ZMIZ1: variants seen among roughly 807,000 people sequenced by gnomAD.
ZMIZ1 encodes zinc finger MIZ domain-containing protein 1.
ZMIZ1 carries 17 observed loss-of-function variants against 113.9 expected under a neutral mutation model. The observed-to-expected ratio is 0.15, with a 90% CI of 0.10 to 0.22. The LOEUF (loss-of-function observed/expected upper bound fraction) is 0.22. Ranked by LOEUF, ZMIZ1 falls within the 10% of genes least tolerant of loss-of-function variation. The pLI is 1.00. For synonymous variants in ZMIZ1, 607 were observed against 603.1 expected, an observed-to-expected ratio of 1.01 and a Z score of -0.09; for missense variants, 1,059 against 1,477.8, an observed-to-expected ratio of 0.72 and a Z score of 4.65.
At chr10:79,149,674 C>T (rs1007452973) in intron 3 of ZMIZ1, among the ~76,000 whole-genome samples, 3 of 152,328 alleles carry the variant, frequency 2.0e-5, no homozygotes, top group East Asian at 3.9e-4. Context: ...TGTGGGGCTG[C>T]GTGGCCCCGT....
intron 7 of ZMIZ1, among the ~76,000 whole-genome samples, chr10:79,268,920 T>G: frequency 6.6e-6 from 1 of 152,082 alleles, no homozygotes; most frequent in East Asian, 1.9e-4. Flanking sequence ...AGAAGGTGAT[T>G]GGATTGGAGC....
chr10:79,155,389 G>A (rs919664131), intron 3 of ZMIZ1, among the ~76,000 whole-genome samples: 7 of 152,208 alleles, frequency 4.6e-5, no homozygotes, highest in African/African-American at 1.7e-4. Context: ...GACTGGGCCT[G>A]AGTCATTTGT....
chr10:79,148,822 C>T (rs1414958651), intron 3 of ZMIZ1, among the ~76,000 whole-genome samples: 1 of 152,150 alleles, frequency 6.6e-6, no homozygotes, highest in Non-Finnish European at 1.5e-5. Context: ...GTCTTCCACC[C>T]TGCTTGTCTT....
intron 1 of ZMIZ1, among the ~76,000 whole-genome samples, chr10:79,073,054 GA>G (rs1214155002): frequency 6.6e-6 from 1 of 152,220 alleles, no homozygotes; most frequent in Non-Finnish European, 1.5e-5. Context: ...AGGCTCTGGG[GA>G]GAGGCTAGAC....
In ZMIZ1 at chr10:79,216,072, T is replaced by TAA. The variant is rs1292648677; in HGVS notation, c.175-97_175-96insAA. 2.7e-4 allele frequency: 206 copies of TAA among 772,430 alleles called. No individual in the cohort carries two copies. In the African/African-American group the frequency reaches 3.6e-3, roughly 13 times the overall value. 47.8% of individuals were successfully genotyped at this position (772,430 alleles called of 1,614,324 possible). A position where few individuals can be genotyped will look rare whatever the true frequency, so the allele number is the denominator to read the frequency against. Reference sequence around the variant, plus strand: ...CTCTGCCTAATGATGGGGCACTGCCTTAGCTTGCCCACCTCACCCACTTCA... The same window carrying TAA: ...CTCTGCCTAATGATGGGGCACTGCCTAATAGCTTGCCCACCTCACCCACTTCA... On this transcript the variant is annotated intron_variant, in intron 6 of 24. Transcript: ENST00000334512.
intron 7 of ZMIZ1, among the ~76,000 whole-genome samples, chr10:79,251,538 A>G (rs1349522663): frequency 6.6e-6 from 1 of 151,988 alleles, no homozygotes; most frequent in African/African-American, 2.4e-5. Context: ...CACCCCATAC[A>G]TCTGTTGGGG....
Position 79,201,718 on chromosome 10 carries a change from G to A in ZMIZ1, c.60+26G>A, listed in dbSNP as rs199925404. The A allele has an allele frequency of 2.4e-5, 39 of 1,610,314 alleles. No homozygotes were observed. The South Asian group carries it at 2.5e-4, about 10-fold the overall frequency. The stretch of plus-strand genomic sequence containing the variant: ...GTGGGTGTGGGGCAAGGCACACTCC[G>A]AGGGCGGGGCAGATGGGGCGGGCTG... On this transcript the variant is annotated intron_variant, in intron 5 of 24. Transcript: ENST00000334512.
intron 2 of ZMIZ1, among the ~76,000 whole-genome samples, chr10:79,127,367 A>G (rs1296850259): frequency 6.6e-6 from 1 of 152,122 alleles, no homozygotes; most frequent in Non-Finnish European, 1.5e-5. Context: ...TTGGACTACA[A>G]GTCCCCGGGA....
At chr10:79,129,872 G>C (rs897263634) in intron 2 of ZMIZ1, among the ~76,000 whole-genome samples, 1 of 152,252 alleles carries the variant, frequency 6.6e-6, no homozygotes, top group Non-Finnish European at 1.5e-5. Flanking sequence ...GTCAGCAGGG[G>C]GACAGAGCGG....
chr10:79,310,977 G>A lies in ZMIZ1; in HGVS notation c.2889G>A (p.Leu963=). 6.2e-7 allele frequency: 1 copy of A among 1,613,850 alleles called. No homozygotes were observed. Among genetic ancestry groups the A allele is most frequent in the Admixed American group, 1.7e-5 (1 of 59,994 alleles). ...DQPHPSIQQG[L]HVPHPSSQSG... ...CCCACCCCTCCATACAACAAGGTTT[G>A]CACGTACCACACCCCAGCAGCCAGT... The change falls in exon 24 of 25, where the codon TTG becomes TTA. Residue 963 remains leucine, a synonymous_variant. Coordinates refer to ENST00000334512, the MANE Select transcript of ZMIZ1 (RefSeq NM_020338.4).
chr10:79,272,864 G>A (rs1171213861), intron 7 of ZMIZ1, among the ~76,000 whole-genome samples: 4 of 152,246 alleles, frequency 2.6e-5, no homozygotes, highest in African/African-American at 9.6e-5. Flanking sequence ...GGCAGTTCGA[G>A]TCTGGGATGA....
rs959941216 is a variant in ZMIZ1 at position 79,225,351 on chromosome 10, A to G, written c.280+9077A>G. ...ACATTCAGAAACTGCCAAAACAAAG[A>G]CAGTAGAAACCATACCTTGTCTCCT... On this transcript the variant is annotated intron_variant, in intron 7 of 24. Coordinates refer to ENST00000334512, the MANE Select transcript of ZMIZ1 (RefSeq NM_020338.4). Among the ~76,000 whole-genome samples the G allele has an allele frequency of 2.0e-5, 3 of 152,294 alleles. No homozygotes were observed. The East Asian group carries it at 5.8e-4, about 29-fold the overall frequency.
chr10:79,075,003 C>T (rs1842421244), intron 1 of ZMIZ1, among the ~76,000 whole-genome samples: 1 of 152,216 alleles, frequency 6.6e-6, no homozygotes, highest in African/African-American at 2.4e-5. Flanking sequence ...TCAATGCTCC[C>T]CTAATCCTGT....
chr10:79,171,749 T>C (rs1413464733), intron 4 of ZMIZ1, among the ~76,000 whole-genome samples: 1 of 152,102 alleles, frequency 6.6e-6, no homozygotes, highest in Admixed American at 6.5e-5. Flanking sequence ...ATGACTGTAA[T>C]GGATTGACAC....
chr10:79,122,638 A>G (rs1844348584), intron 2 of ZMIZ1, among the ~76,000 whole-genome samples: 1 of 152,096 alleles, frequency 6.6e-6, no homozygotes, highest in Non-Finnish European at 1.5e-5. Flanking sequence ...AGTAGCTGCA[A>G]TGACCTCTTG....
chr10:79,081,880 T>A (rs1273280975), intron 1 of ZMIZ1, among the ~76,000 whole-genome samples: 2 of 152,204 alleles, frequency 1.3e-5, no homozygotes, highest in Non-Finnish European at 2.9e-5. Flanking sequence ...CATTACCATG[T>A]GCAATGATGG....
intron 4 of ZMIZ1, among the ~76,000 whole-genome samples, chr10:79,195,282 T>A (rs550947826): frequency 5.3e-5 from 8 of 152,236 alleles, no homozygotes; most frequent in Non-Finnish European, 7.3e-5. Context: ...CTCTCTGCCC[T>A]ATTCACTCAG....
chr10:79,187,826 C>T (rs1847411345), intron 4 of ZMIZ1, among the ~76,000 whole-genome samples: 1 of 152,226 alleles, frequency 6.6e-6, no homozygotes, highest in Non-Finnish European at 1.5e-5. Context: ...GGGCCTCCCT[C>T]TGGGCAGCCG....
chr10:79,288,178 A>G (rs12267235), intron 8 of ZMIZ1, among the ~76,000 whole-genome samples: 13,748 of 152,264 alleles, frequency 0.09, 1,436 homozygotes, highest in African/African-American at 0.25. Context: ...CTTGACCAGC[A>G]TTGCCAAGAG....
Sources: allele counts gnomAD v4.1 joint callset (sites outside exome capture counted in the v4.1 genomes callset), GRCh38; gene constraint gnomAD v4.1.1; transcripts MANE v1.5; gene names NCBI Gene and HGNC (gene_info 2026-07-23, HGNC 2026-07-21).